Variants in MAP4K3 observed in about 807,000 individuals in gnomAD.
MAP4K3 encodes the protein mitogen-activated protein kinase kinase kinase kinase 3, also known as MAPK/ERK kinase kinase kinase 3.
MAP4K3 carries 94 observed loss-of-function variants against 143.5 expected under a neutral mutation model. The observed-to-expected ratio is 0.65, with a 90% confidence interval of 0.55 to 0.78. The LOEUF is 0.78. MAP4K3 is among the 30% of genes least tolerant of loss of function. The probability of loss-of-function intolerance (pLI) is 0.00; values close to 1 mark genes in which losing one functional copy is unlikely to be tolerated. For synonymous variants in MAP4K3, 416 were observed against 347.2 expected, an observed-to-expected ratio of 1.20 and a Z score of -2.20; for missense variants, 1,077 against 1,068.1, an observed-to-expected ratio of 1.01 and a Z score of -0.12.
chr2:39,271,167 A>G (rs917392164), intron 26 of MAP4K3, among the ~76,000 whole-genome samples: 1 of 152,202 alleles, frequency 6.6e-6, no homozygotes, highest in Non-Finnish European at 1.5e-5. Flanking sequence ...ATATGGTACA[A>G]TAAGTACCTA....
chr2:39,330,426 C>T (rs2148520126), intron 8 of MAP4K3, among the ~76,000 whole-genome samples: 1 of 152,182 alleles, frequency 6.6e-6, no homozygotes, highest in South Asian at 2.1e-4. Flanking sequence ...TACTCCCATG[C>T]ACGGTTTCTC....
At chr2:39,334,242 T>C (rs541195915) in intron 6 of MAP4K3, among the ~76,000 whole-genome samples, 12 of 152,264 alleles carry the variant, frequency 7.9e-5, no homozygotes, top group Admixed American at 3.3e-4. Flanking sequence ...AAGTAGATAA[T>C]GATGACTTCA....
intron 15 of MAP4K3, among the ~76,000 whole-genome samples, chr2:39,303,271 TAGAG>T (rs971495840): frequency 1.2e-4 from 19 of 152,104 alleles, no homozygotes; most frequent in African/African-American, 2.2e-4. Context: ...TTTATAGAAA[TAGAG>T]AGGTGTTGAA....
At chr2:39,419,236 A>G (rs1667479153) in intron 1 of MAP4K3, among the ~76,000 whole-genome samples, 1 of 152,150 alleles carries the variant, frequency 6.6e-6, no homozygotes. Context: ...TCTGCAAACA[A>G]TAGTGTTAAA....
At chr2:39,373,769 A>G (rs1001451014) in intron 2 of MAP4K3, among the ~76,000 whole-genome samples, 11 of 152,222 alleles carry the variant, frequency 7.2e-5, no homozygotes, top group Non-Finnish European at 1.5e-4. Context: ...AGAGAGTAGA[A>G]GCATGGTTAC....
At chr2:39,351,041 CAT>C (rs1442799475) in intron 3 of MAP4K3, among the ~76,000 whole-genome samples, 1 of 152,164 alleles carries the variant, frequency 6.6e-6, no homozygotes, top group Non-Finnish European at 1.5e-5. Context: ...TGTTAGGTAT[CAT>C]ATGTCACCTA....
At chr2:39,406,984 T>C (rs749532808) in intron 1 of MAP4K3, among the ~76,000 whole-genome samples, 6 of 152,188 alleles carry the variant, frequency 3.9e-5, no homozygotes, top group Non-Finnish European at 7.3e-5. Flanking sequence ...AAAAAATTCT[T>C]AAAATTTTAG....
At chr2:39,435,398 G>A (rs1177589872) in intron 1 of MAP4K3, among the ~76,000 whole-genome samples, 1 of 152,124 alleles carries the variant, frequency 6.6e-6, no homozygotes, top group Non-Finnish European at 1.5e-5. Flanking sequence ...GGCTGCTCAG[G>A]CTATACAGGC....
rs1219220060 is a variant in MAP4K3, at chr2:39,395,970, G to A, written c.97-17847C>T. Among the ~76,000 whole-genome samples, 8 of 152,254 alleles carry A rather than the reference G, an allele frequency of 5.3e-5. No homozygotes were observed. In the South Asian group the frequency reaches 8.3e-4, roughly 16 times the overall value. ...ACAGTATTCATTATGTAGAATATAT[G>A]TATACTTAAATATTAAAATATCAGG... On this transcript the variant is annotated intron_variant, in intron 1 of 33. Transcript: ENST00000263881.
chr2:39,283,855 T>C (rs1242715995), intron 21 of MAP4K3: 1 of 152,162 alleles, frequency 6.6e-6, no homozygotes, highest in East Asian at 1.9e-4. Context: ...AGTAACATCA[T>C]TTTAAGGAAT....
At position 39,396,169 on chromosome 2, in the gene MAP4K3, T is replaced by A. The variant is rs185330218; in HGVS notation, c.97-18046A>T. Among the ~76,000 whole-genome samples the A allele has an allele frequency of 7.4e-4, 113 of 151,860 alleles. 1 individual carries two copies. The highest frequency in any genetic ancestry group is 4.4e-3 in the Admixed American group (67 of 15,256). On this transcript the variant is annotated intron_variant, in intron 1 of 33. Transcript: ENST00000263881. ...CTTCCTGCCTCGGACTCCGGAGCAG[T>A]TGGAACTACAGGCATGCACCACCAC...
At position 39,290,473 on chromosome 2, in the gene MAP4K3, G is replaced by A. The variant is rs934965384; in HGVS notation, c.1272-139C>T. 334 of 599,436 alleles carry A rather than the reference G, an allele frequency of 5.6e-4. 4 individuals carry two copies. The highest frequency in any genetic ancestry group is 7.5e-4 in the Non-Finnish European group (260 of 348,788). The allele number at this position is 599,436 out of a possible 1,614,324, so 37.1% of individuals were successfully genotyped here. ...TCTAAGATTGTAAGTTTTTTCTAAAGTATTTTGTGAAATGTTGCTAGAGGT... is the reference window on the plus strand; with the variant it reads ...TCTAAGATTGTAAGTTTTTTCTAAAATATTTTGTGAAATGTTGCTAGAGGT... On this transcript the variant is annotated intron_variant, in intron 18 of 33. Coordinates refer to ENST00000263881, the MANE Select transcript of MAP4K3 (RefSeq NM_003618.4).
intron 1 of MAP4K3, among the ~76,000 whole-genome samples, chr2:39,424,936 G>A (rs1665020089): frequency 2.7e-5 from 4 of 150,390 alleles, no homozygotes; most frequent in African/African-American, 9.8e-5. Flanking sequence ...TCAAATCCAA[G>A]AGTCATTGCT....
chr2:39,393,434 C>A lies in MAP4K3; in HGVS notation c.97-15311G>T, dbSNP rs142169678. On this transcript the variant is annotated intron_variant, in intron 1 of 33. Transcript: ENST00000263881. Reference sequence around the variant, plus strand: ...ACGTATCAGTCATAAAACTTAGAACCTATCCATTTCAGAATCCCGTTTTTA... The same window carrying A: ...ACGTATCAGTCATAAAACTTAGAACATATCCATTTCAGAATCCCGTTTTTA... Among the ~76,000 whole-genome samples the A allele has an allele frequency of 2.3e-3, 356 of 152,270 alleles. 1 individual carries two copies. Among genetic ancestry groups the A allele is most frequent in the African/African-American group, 8.3e-3 (345 of 41,544 alleles).
At chr2:39,413,962 CACTT>C (rs1332872233) in intron 1 of MAP4K3, among the ~76,000 whole-genome samples, 1 of 152,188 alleles carries the variant, frequency 6.6e-6, no homozygotes, top group African/African-American at 2.4e-5. Flanking sequence ...AGAGCATACA[CACTT>C]ACTCGCTAAT....
At position 39,343,450 on chromosome 2, in the gene MAP4K3, C is replaced by T; in HGVS notation, c.248G>A (p.Arg83Gln). ...CTCCATGCAAATCCAAAGCTTATCTCGCCTATAAAGAGAAAAGAAGCATGT... is the reference window on the plus strand; with the variant it reads ...CTCCATGCAAATCCAAAGCTTATCTTGCCTATAAAGAGAAAAGAAGCATGT... ...IVAYFGSYLR[R>Q]DKLWICMEFC... The change falls in exon 4 of 34, where the codon CGA becomes CAA. Residue 83 changes from arginine to glutamine, a missense_variant and splice_region_variant. Physicochemically the swap from Arg to Gln is conservative, Grantham distance 43. Transcript: ENST00000263881. 6.2e-7 allele frequency: 1 copy of T among 1,612,264 alleles called. No homozygotes were observed.
intron 1 of MAP4K3, among the ~76,000 whole-genome samples, chr2:39,399,034 T>A (rs1468518969): frequency 1.5e-5 from 2 of 136,522 alleles, no homozygotes; most frequent in African/African-American, 5.7e-5. Flanking sequence ...AAAGCAAGAC[T>A]CTGTCTCGTT....
intron 12 of MAP4K3, among the ~76,000 whole-genome samples, chr2:39,317,659 G>C (rs1254974988): frequency 6.6e-6 from 1 of 152,032 alleles, no homozygotes; most frequent in African/African-American, 2.4e-5. Flanking sequence ...AAAAATGCTT[G>C]AACATCACTA....
intron 8 of MAP4K3, among the ~76,000 whole-genome samples, chr2:39,330,123 T>C (rs1437389406): frequency 2.6e-5 from 4 of 152,070 alleles, no homozygotes; most frequent in Non-Finnish European, 5.9e-5. Context: ...ACAAGAGTAC[T>C]TCCCAAAACT....
Sources: gnomAD v4.1 joint callset for allele counts (sites outside exome capture counted in the v4.1 genomes callset) on GRCh38, gnomAD v4.1.1 for gene constraint, MANE v1.5 for transcripts, NCBI Gene and HGNC (gene_info 2026-07-23, HGNC 2026-07-21) for gene names.